ATXN7L1: variants seen among roughly 807,000 people sequenced by gnomAD.
ATXN7L1 encodes the protein ataxin-7-like protein 1.
A neutral mutation model predicts 70.8 loss-of-function variants in ATXN7L1; 15 were observed. The observed-to-expected ratio is 0.21, with a 90% CI of 0.14 to 0.33. The LOEUF (loss-of-function observed/expected upper bound fraction) is 0.33, where lower values mean the gene tolerates loss of function less well. Ranked by LOEUF, ATXN7L1 falls within the 10% of genes least tolerant of loss-of-function variation. The probability of loss-of-function intolerance (pLI) is 1.00; values close to 1 mark genes in which losing one functional copy is unlikely to be tolerated. For missense variants in ATXN7L1, 975 were observed against 1,097.1 expected (o/e 0.89, Z 1.57); for synonymous variants, 440 against 445.1 (o/e 0.99, Z 0.14).
chr7:105,724,627 G>T (rs1251887632), intron 3 of ATXN7L1, among the ~76,000 whole-genome samples: 2 of 142,450 alleles, frequency 1.4e-5, no homozygotes, highest in Admixed American at 1.4e-4. Flanking sequence ...GGTGGCTCAC[G>T]CCTGCAATCC....
At chr7:105,771,429 T>C (rs533641042) in intron 3 of ATXN7L1, among the ~76,000 whole-genome samples, 21 of 152,234 alleles carry the variant, frequency 1.4e-4, no homozygotes, top group Non-Finnish European at 2.9e-4. Context: ...GTCCTAGTAG[T>C]GGATCATAGG....
At chr7:105,652,361 T>C (rs950105005) in intron 4 of ATXN7L1, among the ~76,000 whole-genome samples, 2 of 152,042 alleles carry the variant, frequency 1.3e-5, no homozygotes, top group African/African-American at 4.8e-5. Flanking sequence ...AATAAGGAAA[T>C]GGTATCAGAG....
chr7:105,738,239 A>C (rs1212451445), intron 3 of ATXN7L1, among the ~76,000 whole-genome samples: 2 of 152,210 alleles, frequency 1.3e-5, no homozygotes, highest in African/African-American at 4.8e-5. Flanking sequence ...TGGCTTTCTA[A>C]GCCCATTTGC....
At chr7:105,634,887 C>A (rs1797134082) in intron 7 of ATXN7L1, among the ~76,000 whole-genome samples, 1 of 151,560 alleles carries the variant, frequency 6.6e-6, no homozygotes, top group South Asian at 2.1e-4. Context: ...CAAGACCAGC[C>A]TGGGCAACAT....
At chr7:105,793,994 A>G (rs1805637178) in intron 2 of ATXN7L1, among the ~76,000 whole-genome samples, 1 of 97,646 alleles carries the variant, frequency 1.0e-5, no homozygotes, top group Non-Finnish European at 1.9e-5. Context: ...CCATCCACCT[A>G]TCCATCCACC....
intron 3 of ATXN7L1, among the ~76,000 whole-genome samples, chr7:105,721,783 C>T (rs1019790329): frequency 3.9e-5 from 6 of 152,246 alleles, no homozygotes; most frequent in African/African-American, 1.4e-4. Flanking sequence ...GCTCTGCTTT[C>T]CCTGCTGCCA....
chr7:105,827,356 C>A (rs556017361), intron 2 of ATXN7L1, among the ~76,000 whole-genome samples: 3 of 152,184 alleles, frequency 2.0e-5, no homozygotes, highest in African/African-American at 7.2e-5. Flanking sequence ...TAAAATAAAC[C>A]ACTCATTCTC....
At chr7:105,618,574 G>C (rs1338301703) in intron 9 of ATXN7L1, among the ~76,000 whole-genome samples, 2 of 152,176 alleles carry the variant, frequency 1.3e-5, no homozygotes, top group African/African-American at 4.8e-5. Context: ...GCCTGGGGGA[G>C]AGGAGGAATC....
chr7:105,754,710 G>A (rs1377520615), intron 3 of ATXN7L1, among the ~76,000 whole-genome samples: 2 of 152,112 alleles, frequency 1.3e-5, no homozygotes, highest in Admixed American at 6.5e-5. Flanking sequence ...TCCTCTCCCC[G>A]TGGCCTCCCA....
intron 4 of ATXN7L1, among the ~76,000 whole-genome samples, chr7:105,656,822 C>T (rs758047777): frequency 1.1e-4 from 16 of 152,210 alleles, no homozygotes; most frequent in Non-Finnish European, 1.9e-4. Context: ...CCACCCGCCT[C>T]GGCCTCCCGT....
At chr7:105,704,300 C>T (rs545726229) in intron 3 of ATXN7L1, among the ~76,000 whole-genome samples, 1 of 152,312 alleles carries the variant, frequency 6.6e-6, no homozygotes, top group Non-Finnish European at 1.5e-5. Context: ...GTGTAATTTA[C>T]ATTTGTCAAA....
At chr7:105,757,727 C>T (rs1254473852) in intron 3 of ATXN7L1, among the ~76,000 whole-genome samples, 1 of 150,802 alleles carries the variant, frequency 6.6e-6, no homozygotes, top group Admixed American at 6.6e-5. Flanking sequence ...GGGCTACAGG[C>T]ATGCAAAACC....
chr7:105,616,942 G>A (rs1014319719), intron 9 of ATXN7L1, among the ~76,000 whole-genome samples: 1 of 152,168 alleles, frequency 6.6e-6, no homozygotes, highest in East Asian at 1.9e-4. Context: ...AGGTTTGGCA[G>A]TTACTTGGAA....
chr7:105,861,640 G>A (rs1358672293), intron 2 of ATXN7L1, among the ~76,000 whole-genome samples: 1 of 152,128 alleles, frequency 6.6e-6, no homozygotes, highest in Admixed American at 6.5e-5. Flanking sequence ...GGTCAGGAAA[G>A]CTGCAGGCAT....
intron 3 of ATXN7L1, among the ~76,000 whole-genome samples, chr7:105,729,292 T>G (rs1041235138): frequency 1.2e-4 from 16 of 128,756 alleles, no homozygotes; most frequent in Admixed American, 5.7e-4. Context: ...AATGAATGAA[T>G]GAATGAATGA....
chr7:105,810,409 A>G (rs1023083869), intron 2 of ATXN7L1, among the ~76,000 whole-genome samples: 2 of 152,232 alleles, frequency 1.3e-5, no homozygotes, highest in Admixed American at 6.5e-5. Flanking sequence ...ACAACAAACA[A>G]TAAGTATTCC....
chr7:105,828,824 G>T (rs1811210249), intron 2 of ATXN7L1, among the ~76,000 whole-genome samples: 1 of 152,200 alleles, frequency 6.6e-6, no homozygotes, highest in South Asian at 2.1e-4. Context: ...CACTGAGGGA[G>T]ATGAGAGCTG....
chr7:105,727,773 TATATAC>T lies in ATXN7L1; in HGVS notation c.355+60825_355+60830del, dbSNP rs1484486151. ...ATATATATATATATATATATATATA[TATATAC>T]ACACACATACACACATATATATATG... On this transcript the variant is annotated intron_variant, in intron 3 of 11. Transcript: ENST00000419735. Among the ~76,000 whole-genome samples, 1,119 of 124,212 alleles carry T rather than the reference TATATAC, an allele frequency of 9.0e-3. 44 individuals carry two copies. The highest frequency in any genetic ancestry group is 0.034 in the African/African-American group (1,073 of 31,386). The allele number at this position is 124,212 out of a possible 152,430, so 81.5% of individuals were successfully genotyped here. A position where few individuals can be genotyped will look rare whatever the true frequency, so the allele number is the denominator to read the frequency against.
At chr7:105,687,095 T>C (rs1234523280) in intron 3 of ATXN7L1, among the ~76,000 whole-genome samples, 1 of 152,246 alleles carries the variant, frequency 6.6e-6, no homozygotes, top group African/African-American at 2.4e-5. Flanking sequence ...CAGACTTTCA[T>C]AGCCACTGAT....
Sources: gnomAD v4.1 joint callset for allele counts (sites outside exome capture counted in the v4.1 genomes callset) on GRCh38, gnomAD v4.1.1 for gene constraint, MANE v1.5 for transcripts, NCBI Gene and HGNC (gene_info 2026-07-23, HGNC 2026-07-21) for gene names.